ADGRD1: variants seen among roughly 807,000 people sequenced by gnomAD.
The protein encoded by ADGRD1 is adhesion G protein-coupled receptor D1.
A neutral mutation model predicts 113.4 loss-of-function variants in ADGRD1; 77 were observed. The observed-to-expected ratio is 0.68, with a 90% CI of 0.57 to 0.82. The LOEUF (loss-of-function observed/expected upper bound fraction) is 0.82. Among genes scored for constraint, ADGRD1 ranks in the 40% least tolerant of loss-of-function variants. ADGRD1 has a pLI of 0.00. For synonymous variants in ADGRD1, 474 were observed against 475.0 expected, an observed-to-expected ratio of 1.00 and a Z score of 0.03; for missense variants, 1,036 against 1,139.1, an observed-to-expected ratio of 0.91 and a Z score of 1.30.
chr12:130,991,523 A>T (rs1461987442), intron 7 of ADGRD1, among the ~76,000 whole-genome samples: 5 of 152,190 alleles, frequency 3.3e-5, no homozygotes, highest in African/African-American at 1.2e-4. Context: ...ACTCTGACCC[A>T]TCTGCTTGGG....
chr12:130,968,264 T>C (rs1871240911), intron 3 of ADGRD1: 1 of 152,322 alleles, frequency 6.6e-6, no homozygotes, highest in African/African-American at 2.4e-5. Context: ...TGGCTGAATT[T>C]TGCTCCCTGA....
rs1950386532 is a variant in ADGRD1 at position 131,113,335 on chromosome 12, A to C, written c.2041+4458A>C. ...GAGCGACTTGTGCTGTCATTCTAGA[A>C]GTCAGCTCCCCAGTGATGTGGCTTC... On this transcript the variant is annotated intron_variant, in intron 18 of 24. Transcript: ENST00000261654. This position sits in a 1 kb window ranked among gnomAD's most constrained non-coding sequence, Gnocchi z 4.9. 6.6e-6 allele frequency among the ~76,000 whole-genome samples: 1 copy of C among 152,078 alleles called. No individual in the cohort carries two copies. The highest frequency in any genetic ancestry group is 2.4e-5 in the African/African-American group (1 of 41,416).
chr12:131,038,802 C>T (rs754476070), intron 13 of ADGRD1, among the ~76,000 whole-genome samples: 13 of 152,234 alleles, frequency 8.5e-5, no homozygotes, highest in South Asian at 8.3e-4. Flanking sequence ...CCCCTAGACC[C>T]GTCCTGTCCC....
chr12:131,082,825 C>G (rs910854358), intron 14 of ADGRD1, among the ~76,000 whole-genome samples: 39 of 152,198 alleles, frequency 2.6e-4, no homozygotes, highest in Non-Finnish European at 1.3e-4. Flanking sequence ...TTGTCCTCTG[C>G]TCTCTGCTAA....
At chr12:131,034,046 G>A (rs1204119700) in intron 13 of ADGRD1, among the ~76,000 whole-genome samples, 1 of 152,150 alleles carries the variant, frequency 6.6e-6, no homozygotes, top group Non-Finnish European at 1.5e-5. Context: ...GGAGGCCAGC[G>A]CCAGCCTCCC....
Position 131,139,303 on chromosome 12 carries a change from A to C in ADGRD1, c.*40A>C. 1 of 1,374,012 alleles carries C rather than the reference A, an allele frequency of 7.3e-7. No homozygotes were observed. Among genetic ancestry groups the C allele is most frequent in the Non-Finnish European group, 1.0e-6 (1 of 984,662 alleles). The allele number at this position is 1,374,012 out of a possible 1,614,324, so 85.1% of individuals were successfully genotyped here. ...AACCAGGCCAGGCTGCGCTCAGAACACACCCCCCCAAACAGAATGAAATGC... is the reference window on the plus strand; with the variant it reads ...AACCAGGCCAGGCTGCGCTCAGAACCCACCCCCCCAAACAGAATGAAATGC... On this transcript the variant is annotated 3_prime_UTR_variant, in exon 25 of 25. Coordinates refer to ENST00000261654, the MANE Select transcript of ADGRD1 (RefSeq NM_198827.5).
chr12:131,085,497 C>G (rs7978139), intron 15 of ADGRD1, among the ~76,000 whole-genome samples: 117,434 of 151,926 alleles, frequency 0.77, 47,742 homozygotes, highest in East Asian at 0.92. Context: ...TAGATGCATA[C>G]GAAGCCTTTG....
chr12:130,963,592 GA>G (rs955013448), intron 2 of ADGRD1, among the ~76,000 whole-genome samples: 9 of 152,082 alleles, frequency 5.9e-5, no homozygotes, highest in African/African-American at 2.2e-4. Context: ...ATCAATGAAA[GA>G]ATATGCCATC....
chr12:130,955,393 G>T (rs1464496335), intron 2 of ADGRD1, among the ~76,000 whole-genome samples: 1 of 152,104 alleles, frequency 6.6e-6, no homozygotes, highest in Non-Finnish European at 1.5e-5. Context: ...TCGGGATAGA[G>T]GGCCACCCTT....
intron 13 of ADGRD1, chr12:131,069,232 T>C (rs1882198): frequency 2.0e-5 from 3 of 152,206 alleles, no homozygotes; most frequent in East Asian, 1.9e-4. Flanking sequence ...AGCCAGTGGC[T>C]ATTCTAGGAA....
rs765277905 is a variant in ADGRD1, at chr12:131,006,014, A to G, written c.1298A>G (p.Tyr433Cys). Reference protein sequence around the residue: ...VVGLLYHSMHYYLNNIWPAHT... With the variant: ...VVGLLYHSMHCYLNNIWPAHT... ...GGTCTGCTGTACCACAGCATGCACT[A>G]CTACCTGAACAACATCTGGCCCGCC... Residue 433 changes from tyrosine to cysteine, a missense_variant, in exon 12 of 25, where the codon TAC becomes TGC. Physicochemically the swap from Tyr to Cys is radical, Grantham distance 194. Transcript: ENST00000261654. 1.9e-6 allele frequency: 3 copies of G among 1,611,750 alleles called. No homozygotes were observed. Among genetic ancestry groups the G allele is most frequent in the Non-Finnish European group, 2.5e-6 (3 of 1,179,884 alleles).
intron 5 of ADGRD1, 147 bp downstream of exon 5, chr12:130,982,210 T>C (rs1873092582): frequency 1.4e-6 from 1 of 717,566 alleles, no homozygotes; most frequent in Non-Finnish European, 2.3e-6. Flanking sequence ...TAAGGGTTGT[T>C]GGGGAGGTGC....
chr12:131,002,133 C>A (rs535691237), intron 9 of ADGRD1, among the ~76,000 whole-genome samples: 1 of 152,212 alleles, frequency 6.6e-6, no homozygotes, highest in Non-Finnish European at 1.5e-5. Flanking sequence ...CTGGGAACAC[C>A]CAGAGGACAG....
chr12:131,009,994 G>A (rs1877667497), intron 12 of ADGRD1, among the ~76,000 whole-genome samples: 1 of 152,238 alleles, frequency 6.6e-6, no homozygotes, highest in African/African-American at 2.4e-5. Flanking sequence ...AGGAATTGTG[G>A]CTGTTGCCGT....
intron 9 of ADGRD1, among the ~76,000 whole-genome samples, chr12:131,000,694 T>G (rs995746810): frequency 1.3e-5 from 2 of 150,140 alleles, no homozygotes; most frequent in African/African-American, 2.5e-5. Context: ...TGAGCCGAGG[T>G]TGTGCCACTG....
intron 13 of ADGRD1, among the ~76,000 whole-genome samples, chr12:131,040,504 C>CA (rs1420554527): frequency 6.6e-6 from 1 of 152,212 alleles, no homozygotes; most frequent in Non-Finnish European, 1.5e-5. Context: ...ACAAAATACT[C>CA]ACACGCTTCT....
intron 20 of ADGRD1, among the ~76,000 whole-genome samples, chr12:131,123,050 T>TGG (rs1436796254): frequency 1.6e-5 from 2 of 123,134 alleles, no homozygotes; most frequent in African/African-American, 6.6e-5. Context: ...TTTTTTTTTT[T>TGG]TTTTTTTTTT....
At chr12:131,076,189 A>G (rs1030782136) in intron 13 of ADGRD1, among the ~76,000 whole-genome samples, 1 of 152,212 alleles carries the variant, frequency 6.6e-6, no homozygotes, top group African/African-American at 2.4e-5. Context: ...CACCTGCTGT[A>G]TGCCAGATGC....
chr12:131,016,874 T>C (rs1878629665), intron 13 of ADGRD1, among the ~76,000 whole-genome samples: 5 of 142,198 alleles, frequency 3.5e-5, no homozygotes, highest in Middle Eastern at 7.1e-3. Context: ...GCCTGGGCGA[T>C]AGAGTGAGAC....
Sources: gnomAD v4.1 joint callset for allele counts (sites outside exome capture counted in the v4.1 genomes callset) on GRCh38, gnomAD v4.1.1 for gene constraint, Gnocchi (gnomAD v3.1) non-coding constraint, MANE v1.5 for transcripts, NCBI Gene and HGNC (gene_info 2026-07-23, HGNC 2026-07-21) for gene names.